The following JAG1 variants were observed in gnomAD, a reference collection of about 807,000 sequenced individuals.
The protein encoded by JAG1 is protein jagged-1.
JAG1 carries 23 observed loss-of-function variants against 148.7 expected under a neutral mutation model. That is an observed-to-expected ratio of 0.15 (90% confidence interval 0.11 to 0.22). The LOEUF is 0.22. Among genes scored for constraint, JAG1 ranks in the 10% least tolerant of loss-of-function variants. JAG1 has a pLI of 1.00. For synonymous variants in JAG1, 572 were observed against 598.3 expected, an observed-to-expected ratio of 0.96 and a Z score of 0.64; for missense variants, 1,054 against 1,611.2, an observed-to-expected ratio of 0.65 and a Z score of 5.92.
In JAG1 at chr20:10,672,882, T is replaced by A. The variant is rs751458417; in HGVS notation, c.206A>T (p.Asp69Val). ...CACTTTGAAGTATGTGTCACACTCG[T>A]CGCGGGTGCACTTGCGGTCTCCCGG... is the stretch of plus-strand genomic sequence containing the variant. ...RNPGDRKCTR[D>V]ECDTYFKVCL... The change falls in exon 2 of 26, where the codon GAC (aspartate) becomes GTC (valine). Residue 69 changes from aspartate to valine, a missense_variant. Asp to Val is a radical substitution (Grantham distance 152, BLOSUM62 -3). Around this residue, in one of 6 missense-constraint regions of JAG1, gnomAD observed 151 missense variants for 211.1 expected, o/e 0.72. Transcript: ENST00000254958. 6.2e-7 allele frequency: 1 copy of A among 1,613,282 alleles called. No individual in the cohort carries two copies. The highest frequency in any genetic ancestry group is 2.2e-5 in the East Asian group (1 of 44,866).
rs2122592472 is a variant in JAG1, at chr20:10,639,348, C to T, written c.*150G>A. 9 of 789,958 alleles carry T rather than the reference C, an allele frequency of 1.1e-5. No individual in the cohort carries two copies. In the South Asian group the frequency reaches 1.2e-4, roughly 11 times the overall value. The allele number at this position is 789,958 out of a possible 1,614,324, so 48.9% of individuals were successfully genotyped here. A position where few individuals can be genotyped will look rare whatever the true frequency, so the allele number is the denominator to read the frequency against. ...TCGATTTCCCAGCCAACCACAGAAACTACCATTGCCAGTGTAAGCCAGCTT... is the reference window on the plus strand; with the variant it reads ...TCGATTTCCCAGCCAACCACAGAAATTACCATTGCCAGTGTAAGCCAGCTT... On this transcript the variant is annotated 3_prime_UTR_variant, in exon 26 of 26. Coordinates refer to ENST00000254958, the MANE Select transcript of JAG1 (RefSeq NM_000214.3).
intron 23 of JAG1, 98 bp downstream of exon 23, chr20:10,641,362 A>AAG: frequency 6.6e-7 from 1 of 1,517,686 alleles, no homozygotes; most frequent in Non-Finnish European, 9.1e-7. Flanking sequence ...ACAGGAATGT[A>AAG]AGCTAGGGAG....
At position 10,648,732 on chromosome 20, in the gene JAG1, G is replaced by A. The variant is rs2122609048; in HGVS notation, c.1396-10C>T. 6 of 1,613,428 alleles carry A rather than the reference G, an allele frequency of 3.7e-6. No individual in the cohort carries two copies. The highest frequency in any genetic ancestry group is 1.1e-5 in the South Asian group (1 of 91,048). ...AACCATTAACCAAATCCTAGAAGAG[G>A]AGAAGGGGAGAGAGAGACACATGCT... On this transcript the variant is annotated splice_polypyrimidine_tract_variant and intron_variant, in intron 11 of 25. Transcript: ENST00000254958.
intron 14 of JAG1, among the ~76,000 whole-genome samples, chr20:10,646,574 G>GGT (rs1427643592): frequency 1.3e-5 from 2 of 150,696 alleles, no homozygotes; most frequent in Non-Finnish European, 3.0e-5. Context: ...AGGCCAAGTT[G>GGT]GGGGTCGGGG....
At position 10,672,772 on chromosome 20, in the gene JAG1, T is replaced by C. The variant is rs909905245; in HGVS notation, c.316A>G (p.Thr106Ala). The C allele has an allele frequency of 9.9e-6, 16 of 1,612,906 alleles. No individual in the cohort carries two copies. In the African/African-American group the frequency reaches 1.2e-4, roughly 12 times the overall value. ...CCGCGGCTGGCCTTGAGGTTGAAGG[T>C]GTTGCCCCCGATGACAGGCGTGGAC... ...SGSTPVIGGNTFNLKASRGND... is the reference protein window; with the variant it reads ...SGSTPVIGGNAFNLKASRGND... Residue 106 changes from threonine to alanine, a missense_variant, in exon 2 of 26, where the codon ACC becomes GCC. Coordinates refer to ENST00000254958, the MANE Select transcript of JAG1 (RefSeq NM_000214.3).
rs183483834 is a variant in JAG1, at chr20:10,672,086, G to A, written c.387+615C>T. ...GGCCAGCAGCGGGCGGGGGTTCCCA[G>A]GTCTACAGCTCCTGTGAGGGCCCCA... On this transcript the variant is annotated intron_variant, in intron 2 of 25. Coordinates refer to ENST00000254958, the MANE Select transcript of JAG1 (RefSeq NM_000214.3). 3.8e-3 allele frequency among the ~76,000 whole-genome samples: 583 copies of A among 152,278 alleles called. 2 individuals carry two copies. Among genetic ancestry groups the A allele is most frequent in the Admixed American group, 6.0e-3 (92 of 15,300 alleles).
chr20:10,656,522 G>T, intron 4 of JAG1, 64 bp from the exon 5 acceptor site: 2 of 1,369,382 alleles, frequency 1.5e-6, no homozygotes, highest in Non-Finnish European at 2.1e-6. Context: ...CCGGTCATGA[G>T]AATGGCCCAT....
intron 5 of JAG1, among the ~76,000 whole-genome samples, chr20:10,655,188 A>G (rs1463145818): frequency 1.3e-5 from 2 of 152,248 alleles, no homozygotes; most frequent in Non-Finnish European, 2.9e-5. Context: ...GGAGGGGAAC[A>G]GACGGAGCGG....
At chr20:10,646,282 A>G (rs937117624) in intron 14 of JAG1, 198 bp from the exon 15 acceptor site, 44 of 593,002 alleles carry the variant, frequency 7.4e-5, no homozygotes, top group Admixed American at 5.9e-4. Context: ...TACCCACTTA[A>G]TGCCCTCACA....
intron 21 of JAG1, 33 bp downstream of exon 21, chr20:10,642,455 G>T: frequency 7.8e-7 from 1 of 1,283,186 alleles, no homozygotes; most frequent in Non-Finnish European, 1.1e-6. Context: ...CACCCCAGAA[G>T]ACCCATGGGC....
rs1935581245 is a variant in JAG1 at position 10,639,704 on chromosome 20, T to C, written c.3451A>G (p.Thr1151Ala). 6.2e-7 allele frequency: 1 copy of C among 1,614,090 alleles called. No individual in the cohort carries two copies. Among genetic ancestry groups the C allele is most frequent in the East Asian group, 2.2e-5 (1 of 44,894 alleles). Residue 1151 changes from threonine to alanine, a missense_variant, in exon 26 of 26, where the codon ACA becomes GCA. Thr to Ala is a moderately conservative substitution (Grantham distance 58). This residue lies in a region of JAG1 where 177 missense variants were observed against 177.3 expected (regional missense o/e 1.00). Coordinates refer to ENST00000254958, the MANE Select transcript of JAG1 (RefSeq NM_000214.3). ...NKNSKMSKIR[T>A]HNSEVEEDDM... is the part of the protein sequence containing the mutation. ...TCCTCTTCTACTTCAGAATTGTGTGTCCTTATTTTAGACATTTTGGAGTTC... is the reference window on the plus strand; with the variant it reads ...TCCTCTTCTACTTCAGAATTGTGTGCCCTTATTTTAGACATTTTGGAGTTC...
intron 2 of JAG1, among the ~76,000 whole-genome samples, chr20:10,666,649 G>A (rs1490510452): frequency 6.6e-6 from 1 of 152,186 alleles, no homozygotes; most frequent in African/African-American, 2.4e-5. Flanking sequence ...TACTGTGAAG[G>A]CCACACAGGA....
At chr20:10,668,241 C>G (rs1669980613) in intron 2 of JAG1, among the ~76,000 whole-genome samples, 1 of 152,124 alleles carries the variant, frequency 6.6e-6, no homozygotes, top group African/African-American at 2.4e-5. Flanking sequence ...GACCCTCCTC[C>G]ATTTCCACCA....
chr20:10,652,699 G>T (rs1343392086), intron 5 of JAG1, 101 bp from the exon 6 acceptor site: 8 of 1,311,496 alleles, frequency 6.1e-6, no homozygotes, highest in Non-Finnish European at 7.5e-6. Context: ...TTTCTGTTTT[G>T]TTTCTGGGGA....
chr20:10,652,300 A>G, intron 6 of JAG1, 50 bp from the exon 7 acceptor site: 1 of 1,611,298 alleles, frequency 6.2e-7, no homozygotes, highest in Non-Finnish European at 8.5e-7. Context: ...AAGATGGCGA[A>G]CCCACCATGT....
At chr20:10,646,260 CAG>C (rs962138270) in intron 14 of JAG1, 176 bp from the exon 15 acceptor site, 19 of 644,402 alleles carry the variant, frequency 2.9e-5, no homozygotes, top group Non-Finnish European at 5.4e-5. Context: ...CAGAAGCTTC[CAG>C]AGAGTGCCTT....
At position 10,640,813 on chromosome 20, in the gene JAG1, C is replaced by T. The variant is rs374758954; in HGVS notation, c.3169G>A (p.Val1057Ile). Residue 1057 changes from valine to isoleucine, a missense_variant, in exon 25 of 26, where the codon GTT (valine) becomes ATT (isoleucine). Val to Ile is a conservative substitution (Grantham distance 29). Coordinates refer to ENST00000254958, the MANE Select transcript of JAG1 (RefSeq NM_000214.3). Reference sequence around the variant, plus strand: ...CTGTTCTTCAGAGGCCGCCTCTGAACTCTTACTTCTGCAACGGCAGCAATC... The same window carrying T: ...CTGTTCTTCAGAGGCCGCCTCTGAATTCTTACTTCTGCAACGGCAGCAATC... ...SLIAAVAEVR[V>I]QRRPLKNRTD... is the part of the protein sequence containing the mutation. 6.2e-7 allele frequency: 1 copy of T among 1,614,090 alleles called. No individual in the cohort carries two copies. Among genetic ancestry groups the T allele is most frequent in the African/African-American group, 1.3e-5 (1 of 74,910 alleles).
In JAG1 at chr20:10,647,121, G is replaced by A. The variant is rs754636635; in HGVS notation, c.1721-18C>T. The A allele has an allele frequency of 1.2e-6, 2 of 1,614,138 alleles. No individual in the cohort carries two copies. Among genetic ancestry groups the A allele is most frequent in the South Asian group, 1.1e-5 (1 of 91,078 alleles). The stretch of plus-strand genomic sequence containing the variant: ...GTCAATCACTAGAAGATAGGCTTGG[G>A]ATCAGATCACAGCCATGCACCCACA... On this transcript the variant is annotated intron_variant, in intron 13 of 25. Coordinates refer to ENST00000254958, the MANE Select transcript of JAG1 (RefSeq NM_000214.3).
rs35826283 is a variant in JAG1, at chr20:10,659,559, C to CTTTTTTTTTTTTTTTTTTTTTTTTTT, written c.440-863_440-838dup. Among the ~76,000 whole-genome samples, 21 of 105,138 alleles carry CTTTTTTTTTTTTTTTTTTTTTTTTTT rather than the reference C, an allele frequency of 2.0e-4. 10 individuals carry two copies. The highest frequency in any genetic ancestry group is 6.8e-4 in the South Asian group (2 of 2,938). 69.0% of individuals were successfully genotyped at this position (105,138 alleles called of 152,430 possible). A position where few individuals can be genotyped will look rare whatever the true frequency, so the allele number is the denominator to read the frequency against. ...GGAAGCCAAGGAGACGATTAAGTTA[C>CTTTTTTTTTTTTTTTTTTTTTTTTTT]TTTTTTTTTTTTTTTTTTTTTTTTT... On this transcript the variant is annotated intron_variant, in intron 3 of 25. Coordinates refer to ENST00000254958, the MANE Select transcript of JAG1 (RefSeq NM_000214.3).
Sources: gnomAD v4.1 joint callset for allele counts (sites outside exome capture counted in the v4.1 genomes callset) on GRCh38, gnomAD v4.1.1 for gene constraint, gnomAD v4.1.1 regional missense constraint, MANE v1.5 for transcripts, NCBI Gene and HGNC (gene_info 2026-07-23, HGNC 2026-07-21) for gene names.